USP53: variants seen among roughly 807,000 people sequenced by gnomAD.
USP53 encodes ubiquitin specific peptidase 53.
In USP53, 71 loss-of-function variants were observed where a neutral mutation model predicts 94.9. The observed-to-expected ratio is 0.75, with a 90% confidence interval of 0.62 to 0.91. The LOEUF is 0.91. Ranked by LOEUF, USP53 falls within the 40% of genes least tolerant of loss-of-function variation. USP53 has a pLI of 0.00. For synonymous variants in USP53, 375 were observed against 422.7 expected (o/e 0.89, Z 1.39); for missense variants, 1,173 against 1,281.0 (o/e 0.92, Z 1.29).
Position 119,258,424 on chromosome 4 carries a change from A to G in USP53, c.570-1396A>G, listed in dbSNP as rs371425575. ...AATAGTTATATTACTGTTAAGTACA[A>G]TCAGAACATCTAGAATGGAAACTAG... On this transcript the variant is annotated intron_variant, in intron 9 of 18. Transcript: ENST00000692078. 2.0e-5 allele frequency among the ~76,000 whole-genome samples: 3 copies of G among 152,362 alleles called. No homozygotes were observed. In the East Asian group the frequency reaches 5.8e-4, roughly 29 times the overall value.
At chr4:119,279,745 T>C (rs528829413) in intron 17 of USP53, among the ~76,000 whole-genome samples, 14 of 152,358 alleles carry the variant, frequency 9.2e-5, no homozygotes, top group Admixed American at 2.6e-4. Context: ...GTGCTAGCAG[T>C]CAGCGAGATT....
At chr4:119,226,420 G>A (rs1578417694) in intron 3 of USP53, among the ~76,000 whole-genome samples, 1 of 152,270 alleles carries the variant, frequency 6.6e-6, no homozygotes, top group Middle Eastern at 3.4e-3. Context: ...AACTAAGGTT[G>A]CAGTTTTTAT....
At chr4:119,290,554 T>A (rs1304428303) in intron 17 of USP53, among the ~76,000 whole-genome samples, 1 of 152,182 alleles carries the variant, frequency 6.6e-6, no homozygotes, top group Non-Finnish European at 1.5e-5. Flanking sequence ...TTGTAAAGAT[T>A]AAATGAAATA....
chr4:119,254,294 G>T (rs1749456334), intron 7 of USP53, among the ~76,000 whole-genome samples: 3 of 152,116 alleles, frequency 2.0e-5, no homozygotes, highest in Non-Finnish European at 4.4e-5. Context: ...AAGTTCTCCT[G>T]GATAATATCC....
intron 18 of USP53, among the ~76,000 whole-genome samples, chr4:119,291,650 G>T (rs764727658): frequency 2.6e-5 from 4 of 151,966 alleles, no homozygotes; most frequent in African/African-American, 9.7e-5. Flanking sequence ...AAAATAATTT[G>T]CAATATGGCA....
chr4:119,265,670 A>AAACAACAACAACAACAACAACAAC (rs56113456), intron 12 of USP53, among the ~76,000 whole-genome samples: 1 of 150,412 alleles, frequency 6.6e-6, no homozygotes, highest in African/African-American at 2.5e-5. Context: ...CCTTTTCTCA[A>AAACAACAACAACAACAACAACAAC]AACAACAACA....
At chr4:119,287,156 C>T (rs1754202489) in intron 17 of USP53, among the ~76,000 whole-genome samples, 2 of 151,946 alleles carry the variant, frequency 1.3e-5, no homozygotes, top group Admixed American at 1.3e-4. Context: ...TGCAGACCTT[C>T]ATTTGAATGT....
intron 3 of USP53, among the ~76,000 whole-genome samples, chr4:119,227,299 A>ACACACACACACACAC (rs1491380548): frequency 7.1e-4 from 103 of 145,722 alleles, no homozygotes; most frequent in South Asian, 1.8e-3. Flanking sequence ...ACACACACAC[A>ACACACACACACACAC]AACTTGAAAT....
chr4:119,244,405 GGA>G (rs1185055734), intron 5 of USP53, among the ~76,000 whole-genome samples: 1 of 152,146 alleles, frequency 6.6e-6, no homozygotes, highest in African/African-American at 2.4e-5. Flanking sequence ...TTGGGAGAAA[GGA>G]GAGATCATGA....
chr4:119,278,331 G>A (rs1436664460), intron 17 of USP53, among the ~76,000 whole-genome samples: 1 of 151,830 alleles, frequency 6.6e-6, no homozygotes, highest in Non-Finnish European at 1.5e-5. Context: ...GCTTGTCTGT[G>A]AAGTATTTTA....
chr4:119,239,546 G>A lies in USP53; in HGVS notation c.-214G>A. The stretch of plus-strand genomic sequence containing the variant: ...TTGTTTAAAATAGCTTTCTTTTTTA[G>A]TGCTTAGAACTTCAATGTTTATGCA... On this transcript the variant is annotated 5_prime_UTR_variant, in exon 5 of 19. The change creates a new upstream start codon in the 5' untranslated region. Transcript: ENST00000692078. 1 of 483,484 alleles carries A rather than the reference G, an allele frequency of 2.1e-6. No homozygotes were observed. The highest frequency in any genetic ancestry group is 3.5e-6 in the Non-Finnish European group (1 of 287,080). The allele number at this position is 483,484 out of a possible 1,614,324, so 29.9% of individuals were successfully genotyped here.
At chr4:119,263,165 C>T (rs1423618329) in intron 12 of USP53, among the ~76,000 whole-genome samples, 1 of 152,120 alleles carries the variant, frequency 6.6e-6, no homozygotes, top group East Asian at 1.9e-4. Context: ...TGATTCTACC[C>T]ATGAAGGATT....
intron 3 of USP53, among the ~76,000 whole-genome samples, chr4:119,226,621 G>A (rs1745292198): frequency 6.6e-6 from 1 of 152,106 alleles, no homozygotes. Context: ...CTAAAAAAAT[G>A]TAGAAAGACA....
chr4:119,212,713 A>G lies in USP53; in HGVS notation c.-1102A>G, dbSNP rs1743014636. On this transcript the variant is annotated 5_prime_UTR_variant, in exon 1 of 19. Coordinates refer to ENST00000692078, the MANE Select transcript of USP53 (RefSeq NM_001371395.1). ...GGCGGAGACCAGCCGCCTGTGCTCCAGTTCCCGGTGAGCCTCGGTACTGTG... is the reference window on the plus strand; with the variant it reads ...GGCGGAGACCAGCCGCCTGTGCTCCGGTTCCCGGTGAGCCTCGGTACTGTG... 2 of 341,544 alleles carry G rather than the reference A, an allele frequency of 5.9e-6. No homozygotes were observed. Among genetic ancestry groups the G allele is most frequent in the Admixed American group, 3.8e-5 (1 of 26,270 alleles). 21.2% of individuals were successfully genotyped at this position (341,544 alleles called of 1,614,324 possible).
intron 3 of USP53, chr4:119,221,138 A>C (rs1160878443): frequency 6.6e-6 from 1 of 152,232 alleles, no homozygotes; most frequent in Non-Finnish European, 1.5e-5. Flanking sequence ...TTGAAAAAGA[A>C]CATGGAATAG....
At chr4:119,252,711 G>GT (rs996767090) in intron 7 of USP53, among the ~76,000 whole-genome samples, 1 of 151,926 alleles carries the variant, frequency 6.6e-6, no homozygotes, top group African/African-American at 2.4e-5. Context: ...GTTTTGAAGG[G>GT]TTTTTTTGTG....
chr4:119,273,776 T>A, intron 17 of USP53, 68 bp downstream of exon 17: 1 of 1,319,148 alleles, frequency 7.6e-7, no homozygotes, highest in Non-Finnish European at 1.1e-6. Flanking sequence ...TGTTTGCTAT[T>A]ATGTATCTGA....
intron 17 of USP53, among the ~76,000 whole-genome samples, chr4:119,287,376 A>T (rs1418759587): frequency 6.6e-6 from 1 of 152,096 alleles, no homozygotes; most frequent in Admixed American, 6.5e-5. Context: ...TTAAATTCTC[A>T]TGTATATTAC....
chr4:119,213,660 A>ATATATATATATGTGTGTGTGTG, intron 1 of USP53, among the ~76,000 whole-genome samples: 6 of 117,780 alleles, frequency 5.1e-5, no homozygotes, highest in East Asian at 2.3e-4. Context: ...ATATATATAT[A>ATATATATATATGTGTGTGTGTG]TGTGTGTGTG....
Sources: allele counts gnomAD v4.1 joint callset (sites outside exome capture counted in the v4.1 genomes callset), GRCh38; gene constraint gnomAD v4.1.1; transcripts MANE v1.5; gene names NCBI Gene and HGNC (gene_info 2026-07-23, HGNC 2026-07-21).